The following NALF1 variants were observed in gnomAD, a reference collection of about 807,000 sequenced individuals.
The protein encoded by NALF1 is family with sequence similarity 155 member A.
A neutral mutation model predicts 48.4 loss-of-function variants in NALF1; 3 were observed. The observed-to-expected ratio is 0.06, with a 90% CI of 0.03 to 0.16. The LOEUF (loss-of-function observed/expected upper bound fraction) is 0.16, where lower values mean the gene tolerates loss of function less well. NALF1 is among the 10% of genes least tolerant of loss of function. NALF1 has a pLI of 1.00. For synonymous variants in NALF1, 262 were observed against 245.7 expected (o/e 1.07, Z -0.62); for missense variants, 526 against 571.5 (o/e 0.92, Z 0.81).
At chr13:107,296,859 A>G (rs2138888198) in intron 1 of NALF1, among the ~76,000 whole-genome samples, 1 of 152,242 alleles carries the variant, frequency 6.6e-6, no homozygotes, top group South Asian at 2.1e-4. Flanking sequence ...TTAAATTCAA[A>G]GGTAGGTAAG....
At chr13:107,457,879 T>C (rs1041222813) in intron 1 of NALF1, among the ~76,000 whole-genome samples, 1 of 152,206 alleles carries the variant, frequency 6.6e-6, no homozygotes, top group Admixed American at 6.5e-5. Flanking sequence ...TTAAAAGACA[T>C]TTCCCAGTGC....
At chr13:107,627,721 C>G (rs1243297522) in intron 1 of NALF1, among the ~76,000 whole-genome samples, 1 of 151,984 alleles carries the variant, frequency 6.6e-6, no homozygotes, top group African/African-American at 2.4e-5. Flanking sequence ...TATTTTCCAC[C>G]CTGTCATCCC....
chr13:107,710,504 G>T (rs1875536630), intron 1 of NALF1, among the ~76,000 whole-genome samples: 1 of 150,114 alleles, frequency 6.7e-6, no homozygotes, highest in South Asian at 2.1e-4. Flanking sequence ...ATTATGCATG[G>T]CTGGGGAAGC....
chr13:107,511,319 T>C (rs1875883451), intron 1 of NALF1, among the ~76,000 whole-genome samples: 1 of 152,136 alleles, frequency 6.6e-6, no homozygotes, highest in Non-Finnish European at 1.5e-5. Flanking sequence ...ATATGACATG[T>C]GATTGGGGTC....
intron 1 of NALF1, among the ~76,000 whole-genome samples, chr13:107,213,160 A>T (rs1879796980): frequency 6.8e-6 from 1 of 146,616 alleles, no homozygotes; most frequent in Non-Finnish European, 1.5e-5. Flanking sequence ...CGATGGGAAC[A>T]TATCCATTTT....
chr13:107,215,182 G>A lies in NALF1; in HGVS notation c.916-4427C>T, dbSNP rs79559918. 7.0e-3 allele frequency among the ~76,000 whole-genome samples: 1,060 copies of A among 152,284 alleles called. 8 individuals carry two copies. Among genetic ancestry groups the A allele is most frequent in the African/African-American group, 0.022 (927 of 41,566 alleles). ...GCTGAGCAAGGTAGGGCCCCTGGGC[G>A]GCTGTTGAAATTACACTCCATGTTA... On this transcript the variant is annotated intron_variant, in intron 1 of 2. Coordinates refer to ENST00000375915, the MANE Select transcript of NALF1 (RefSeq NM_001080396.3).
intron 1 of NALF1, among the ~76,000 whole-genome samples, chr13:107,776,781 T>C (rs539551141): frequency 6.6e-6 from 1 of 152,286 alleles, no homozygotes; most frequent in South Asian, 2.1e-4. Flanking sequence ...CCAGTTTTAG[T>C]GGTGGCTTAA....
At chr13:107,350,413 T>G (rs1285504667) in intron 1 of NALF1, among the ~76,000 whole-genome samples, 1 of 152,200 alleles carries the variant, frequency 6.6e-6, no homozygotes, top group African/African-American at 2.4e-5. Flanking sequence ...AATATTCTTT[T>G]TAAGAGTTAA....
intron 1 of NALF1, among the ~76,000 whole-genome samples, chr13:107,237,286 C>T (rs1880373091): frequency 6.6e-6 from 1 of 152,052 alleles, no homozygotes; most frequent in Non-Finnish European, 1.5e-5. Flanking sequence ...AGTTCTAAAA[C>T]ATATATTTAG....
intron 1 of NALF1, among the ~76,000 whole-genome samples, chr13:107,856,866 A>T (rs1880451523): frequency 6.6e-6 from 1 of 152,168 alleles, no homozygotes; most frequent in South Asian, 2.1e-4. Flanking sequence ...TTCTGTGGAA[A>T]TGTGCTCTTG....
At chr13:107,233,648 G>A (rs894246727) in intron 1 of NALF1, among the ~76,000 whole-genome samples, 5 of 152,150 alleles carry the variant, frequency 3.3e-5, no homozygotes, top group African/African-American at 1.2e-4. Context: ...TGCTTACAGA[G>A]TTGCAAAGGC....
chr13:107,272,170 G>T (rs1881191156), intron 1 of NALF1, among the ~76,000 whole-genome samples: 1 of 149,814 alleles, frequency 6.7e-6, no homozygotes, highest in Non-Finnish European at 1.5e-5. Context: ...TAACATGTTT[G>T]CTGACAAAAT....
At chr13:107,498,688 G>T (rs1208909938) in intron 1 of NALF1, among the ~76,000 whole-genome samples, 1 of 152,112 alleles carries the variant, frequency 6.6e-6, no homozygotes, top group Non-Finnish European at 1.5e-5. Flanking sequence ...GAAAATGAAA[G>T]AATATACTTA....
intron 1 of NALF1, among the ~76,000 whole-genome samples, chr13:107,431,893 G>A (rs1535713): frequency 0.22 from 33,883 of 151,952 alleles, 4,364 homozygotes; most frequent in Admixed American, 0.29. Context: ...ACCAAAAAAC[G>A]TTGCTAAAAT....
chr13:107,823,982 T>TATTATTATTATG (rs1879435446), intron 1 of NALF1, among the ~76,000 whole-genome samples: 3 of 151,230 alleles, frequency 2.0e-5, no homozygotes, highest in African/African-American at 7.3e-5. Flanking sequence ...TTGCTGTTAT[T>TATTATTATTATG]ATTATTATTA....
chr13:107,631,649 T>C (rs1196160023), intron 1 of NALF1, among the ~76,000 whole-genome samples: 2 of 152,112 alleles, frequency 1.3e-5, no homozygotes, highest in African/African-American at 4.8e-5. Flanking sequence ...GAAAATCACT[T>C]GGCTGGCCAA....
In NALF1 at chr13:107,397,299, G is replaced by A. The variant is rs555046926; in HGVS notation, c.916-186544C>T. Among the ~76,000 whole-genome samples, 113 of 152,252 alleles carry A rather than the reference G, an allele frequency of 7.4e-4. 3 individuals are homozygous for A. In the South Asian group the frequency reaches 0.023, roughly 30 times the overall value. ...CCAGGTCTGAGAAATGATGAGAGGA[G>A]GAAAAATAATTACTTAGAGATGCTC... On this transcript the variant is annotated intron_variant, in intron 1 of 2. Transcript: ENST00000375915.
At chr13:107,368,910 C>T (rs914261730) in intron 1 of NALF1, among the ~76,000 whole-genome samples, 19 of 152,168 alleles carry the variant, frequency 1.2e-4, no homozygotes, top group Non-Finnish European at 2.4e-4. Flanking sequence ...ATGCCCATCC[C>T]CTCAGTGCAT....
intron 1 of NALF1, among the ~76,000 whole-genome samples, chr13:107,371,262 C>T (rs9520411): frequency 0.093 from 14,121 of 151,970 alleles, 847 homozygotes; most frequent in African/African-American, 0.18. Context: ...ATACAGACAA[C>T]ACAGGGAAAC....
Sources: gnomAD v4.1 joint callset for allele counts (sites outside exome capture counted in the v4.1 genomes callset) on GRCh38, gnomAD v4.1.1 for gene constraint, MANE v1.5 for transcripts, NCBI Gene and HGNC (gene_info 2026-07-23, HGNC 2026-07-21) for gene names.